RPS24: variants seen among roughly 807,000 people sequenced by gnomAD.
The protein encoded by RPS24 is ribosomal protein S24, also known as small ribosomal subunit protein eS24.
For synonymous variants in RPS24, 72 were observed against 55.6 expected (o/e 1.30, Z -1.31); for missense variants, 100 against 162.5 (o/e 0.62, Z 2.09).
intron 4 of RPS24, among the ~76,000 whole-genome samples, chr10:78,050,978 G>C (rs764522876): frequency 6.6e-6 from 1 of 151,884 alleles, no homozygotes; most frequent in Non-Finnish European, 1.5e-5. Context: ...ATCACCTGAG[G>C]TCAGGCGTTC....
intron 4 of RPS24, chr10:78,037,676 G>A (rs1040303646): frequency 6.9e-5 from 23 of 332,174 alleles, no homozygotes; most frequent in Non-Finnish European, 8.1e-5. Context: ...ATGGACACTG[G>A]TTTAAGAAGC....
At chr10:78,050,197 C>G (rs1303298935) in intron 4 of RPS24, among the ~76,000 whole-genome samples, 1 of 152,140 alleles carries the variant, frequency 6.6e-6, no homozygotes, top group East Asian at 1.9e-4. Flanking sequence ...TTCTTTGTTC[C>G]CCTTTCTGCC....
At chr10:78,042,530 A>C (rs1847997298), downstream of RPS24, among the ~76,000 whole-genome samples, 1 of 152,240 alleles carries the variant, frequency 6.6e-6, no homozygotes, top group African/African-American at 2.4e-5. Flanking sequence ...CTGTGGACAG[A>C]TTCAGCACAT....
chr10:78,036,451 G>T (rs1196687475), intron 3 of RPS24: 1 of 153,940 alleles, frequency 6.5e-6, no homozygotes, highest in Non-Finnish European at 1.4e-5. Context: ...GATTACAGGT[G>T]CGCACCATCA....
intron 4 of RPS24, among the ~76,000 whole-genome samples, chr10:78,048,532 C>T (rs1848067424): frequency 6.6e-6 from 1 of 151,856 alleles, no homozygotes. Context: ...AAAGAGTGGT[C>T]CAGCCCTCTG....
chr10:78,042,066 G>A (rs1847991880), downstream of RPS24, among the ~76,000 whole-genome samples: 1 of 152,216 alleles, frequency 6.6e-6, no homozygotes, highest in Non-Finnish European at 1.5e-5. Context: ...TGTGAGCCTT[G>A]TTAGGCATAA....
At chr10:78,034,238 A>G in intron 1 of RPS24, 1 of 491,728 alleles carries the variant, frequency 2.0e-6, no homozygotes. Context: ...GCAGTTCCTC[A>G]TTGGGCTAGG....
downstream of RPS24, among the ~76,000 whole-genome samples, chr10:78,043,813 T>TC (rs1191742196): frequency 6.6e-6 from 1 of 152,160 alleles, no homozygotes; most frequent in Non-Finnish European, 1.5e-5. Context: ...TCCCCACCTA[T>TC]CTAGTTTCAG....
downstream of RPS24, among the ~76,000 whole-genome samples, chr10:78,042,808 A>G (rs2131987385): frequency 6.6e-6 from 1 of 152,210 alleles, no homozygotes; most frequent in East Asian, 1.9e-4. Context: ...CACCACAACC[A>G]TGAGTTCTGT....
At chr10:78,055,190 C>T in exon 5 of RPS24, 2 of 1,012,690 alleles carry the variant, frequency 2.0e-6, no homozygotes, top group Non-Finnish European at 2.6e-6. Context: ...TCCCCACGCC[C>T]CCACAATCCC....
In RPS24 at chr10:78,040,601, C is replaced by T; in HGVS notation, c.*20-14C>T. On this transcript the variant is annotated splice_polypyrimidine_tract_variant and intron_variant, in intron 5 of 5. Coordinates refer to ENST00000372360, the MANE Select transcript of RPS24 (RefSeq NM_033022.4). Reference sequence around the variant, plus strand: ...AGGCAGTTGTTGACTAAACTTCTTTCTCTTGATTCACAGCCGAAGGAGTAA... The same window carrying T: ...AGGCAGTTGTTGACTAAACTTCTTTTTCTTGATTCACAGCCGAAGGAGTAA... 6.2e-7 allele frequency: 1 copy of T among 1,608,476 alleles called. No individual in the cohort carries two copies. The highest frequency in any genetic ancestry group is 8.5e-7 in the Non-Finnish European group (1 of 1,174,810).
At chr10:78,050,249 A>G (rs1057359375) in intron 4 of RPS24, among the ~76,000 whole-genome samples, 1 of 151,912 alleles carries the variant, frequency 6.6e-6, no homozygotes, top group South Asian at 2.1e-4. Context: ...CCCCATTCCA[A>G]ACTTCCGGCC....
intron 4 of RPS24, among the ~76,000 whole-genome samples, chr10:78,046,846 T>C (rs1009800714): frequency 6.6e-6 from 1 of 152,174 alleles, no homozygotes; most frequent in Admixed American, 6.5e-5. Flanking sequence ...TGGAGGTGAT[T>C]AGCTGAGGCA....
chr10:78,040,164 T>TC, intron 4 of RPS24, 40 bp from the exon 5 acceptor site: 1 of 1,604,082 alleles, frequency 6.2e-7, no homozygotes, highest in Non-Finnish European at 8.5e-7. Context: ...ATCTTTCTTT[T>TC]CCCTCCTTTC....
chr10:78,034,297 C>T (rs925176111), intron 1 of RPS24: 2 of 324,234 alleles, frequency 6.2e-6, no homozygotes, highest in Non-Finnish European at 1.2e-5. Flanking sequence ...AAGGTGCGGG[C>T]AGCGCCTGGG....
chr10:78,041,237 C>T (rs535405712), downstream of RPS24, among the ~76,000 whole-genome samples: 5 of 151,988 alleles, frequency 3.3e-5, no homozygotes, highest in South Asian at 8.3e-4. Context: ...AAAGCAATAC[C>T]GTGAAGGCAG....
chr10:78,050,298 G>C (rs1404590614), intron 4 of RPS24, among the ~76,000 whole-genome samples: 1 of 152,088 alleles, frequency 6.6e-6, no homozygotes. Context: ...CACTTCCCAG[G>C]GACAAGATGC....
intron 3 of RPS24, chr10:78,036,086 A>G (rs1287854853): frequency 5.9e-6 from 2 of 340,944 alleles, no homozygotes; most frequent in Non-Finnish European, 1.1e-5. Flanking sequence ...GAACCAGGAA[A>G]AGTTTTTGAT....
downstream of RPS24, among the ~76,000 whole-genome samples, chr10:78,042,231 C>G (rs72806043): frequency 0.036 from 5,476 of 152,348 alleles, 165 homozygotes; most frequent in Non-Finnish European, 0.056. Context: ...CTGGTCTCCA[C>G]AGCCTTTGCT....
Sources: allele counts gnomAD v4.1 joint callset (sites outside exome capture counted in the v4.1 genomes callset), GRCh38; gene constraint gnomAD v4.1.1; transcripts MANE v1.5; gene names NCBI Gene and HGNC (gene_info 2026-07-23, HGNC 2026-07-21).